Variants in RABGAP1L observed in about 807,000 individuals in gnomAD.
RABGAP1L encodes the protein RAB GTPase activating protein 1 like, also known as rab GTPase-activating protein 1-like.
RABGAP1L carries 63 observed loss-of-function variants against 137.7 expected under a neutral mutation model. The observed-to-expected ratio is 0.46, with a 90% CI of 0.37 to 0.56. The LOEUF (loss-of-function observed/expected upper bound fraction) is 0.56. Ranked by LOEUF, RABGAP1L falls within the 20% of genes least tolerant of loss-of-function variation. The probability of loss-of-function intolerance (pLI) is 0.00; values close to 1 mark genes in which losing one functional copy is unlikely to be tolerated. For missense variants in RABGAP1L, 1,095 were observed against 1,244.0 expected, an observed-to-expected ratio of 0.88 and a Z score of 1.80; for synonymous variants, 431 against 433.7, an observed-to-expected ratio of 0.99 and a Z score of 0.08.
At chr1:174,468,057 T>C (rs537384505) in intron 13 of RABGAP1L, among the ~76,000 whole-genome samples, 44 of 152,248 alleles carry the variant, frequency 2.9e-4, no homozygotes, top group African/African-American at 1.1e-3. Flanking sequence ...AGCAATTATA[T>C]ATGGGATTAT....
intron 19 of RABGAP1L, among the ~76,000 whole-genome samples, chr1:174,902,481 G>A (rs942455531): frequency 6.6e-6 from 1 of 152,162 alleles, no homozygotes; most frequent in Non-Finnish European, 1.5e-5. Flanking sequence ...TCCCTTCCTA[G>A]GGATATATAC....
intron 19 of RABGAP1L, chr1:174,875,850 G>C (rs192140453): frequency 4.5e-4 from 160 of 359,030 alleles, no homozygotes; most frequent in African/African-American, 3.3e-3. Context: ...AAGCAGCACT[G>C]TAGAACAAAA....
At chr1:174,671,503 G>A (rs1016953468) in intron 14 of RABGAP1L, among the ~76,000 whole-genome samples, 1 of 152,114 alleles carries the variant, frequency 6.6e-6, no homozygotes. Flanking sequence ...TAATTTGAGA[G>A]TTTTAAATCA....
chr1:174,444,334 G>A (rs1654498205), intron 13 of RABGAP1L, among the ~76,000 whole-genome samples: 1 of 151,652 alleles, frequency 6.6e-6, no homozygotes, highest in East Asian at 1.9e-4. Context: ...GTGTTGTTTG[G>A]TTTGCTAGTA....
At chr1:174,670,356 T>C (rs771818269) in intron 14 of RABGAP1L, among the ~76,000 whole-genome samples, 199 of 152,230 alleles carry the variant, frequency 1.3e-3, no homozygotes, top group Non-Finnish European at 2.4e-3. Flanking sequence ...GAGAATGGGG[T>C]ATTCATGCTC....
intron 17 of RABGAP1L, among the ~76,000 whole-genome samples, chr1:174,716,123 C>T (rs191547966): frequency 2.0e-5 from 3 of 152,202 alleles, no homozygotes; most frequent in South Asian, 2.1e-4. Context: ...TTTAAGTTTA[C>T]GTTATTTTTA....
intron 19 of RABGAP1L, among the ~76,000 whole-genome samples, chr1:174,867,943 C>A (rs535450989): frequency 5.7e-4 from 86 of 150,402 alleles, no homozygotes; most frequent in African/African-American, 2.0e-3. Flanking sequence ...CTGAGCCCAG[C>A]CAAAGTAGTG....
intron 18 of RABGAP1L, among the ~76,000 whole-genome samples, chr1:174,805,325 T>G (rs1573283894): frequency 6.6e-6 from 1 of 152,254 alleles, no homozygotes; most frequent in African/African-American, 2.4e-5. Context: ...TAAATGACTT[T>G]ACTTTTATCT....
intron 13 of RABGAP1L, among the ~76,000 whole-genome samples, chr1:174,465,209 A>G (rs557756680): frequency 1.3e-5 from 2 of 151,692 alleles, no homozygotes; most frequent in African/African-American, 2.4e-5. Flanking sequence ...TTTATTGAGC[A>G]TTTTTTTTGA....
intron 18 of RABGAP1L, among the ~76,000 whole-genome samples, chr1:174,766,051 C>A (rs1398969279): frequency 6.6e-6 from 1 of 152,082 alleles, no homozygotes; most frequent in African/African-American, 2.4e-5. Flanking sequence ...TTAGGGTGGG[C>A]CCTAGTCCAA....
intron 13 of RABGAP1L, among the ~76,000 whole-genome samples, chr1:174,467,632 A>T (rs1558259682): frequency 6.6e-6 from 1 of 152,200 alleles, no homozygotes; most frequent in Admixed American, 6.5e-5. Context: ...GTTATATAAT[A>T]TGTTTAATCC....
intron 10 of RABGAP1L, among the ~76,000 whole-genome samples, chr1:174,290,054 C>G (rs752622854): frequency 7.9e-5 from 12 of 152,184 alleles, no homozygotes; most frequent in Non-Finnish European, 1.6e-4. Context: ...GGTTCCCTGC[C>G]TGGGCATGGT....
At chr1:174,206,404 G>T (rs998699134) in intron 1 of RABGAP1L, among the ~76,000 whole-genome samples, 7 of 152,100 alleles carry the variant, frequency 4.6e-5, no homozygotes, top group Non-Finnish European at 1.0e-4. Context: ...TTTTTTCCTG[G>T]ATTGGCTCAG....
intron 13 of RABGAP1L, among the ~76,000 whole-genome samples, chr1:174,527,901 C>CTTTTTTTTTTTTTTTTTTTCTT (rs57707616): frequency 8.0e-6 from 1 of 124,850 alleles, no homozygotes; most frequent in Admixed American, 8.0e-5. Flanking sequence ...ATATACTTGT[C>CTTTTTTTTTTTTTTTTTTTCTT]TTTTTTTTTT....
At chr1:174,414,919 A>AG (rs1329674923) in intron 13 of RABGAP1L, among the ~76,000 whole-genome samples, 1 of 151,894 alleles carries the variant, frequency 6.6e-6, no homozygotes, top group Non-Finnish European at 1.5e-5. Context: ...AGAAAAAAAA[A>AG]TGGAAAAACC....
chr1:174,424,559 C>T (rs1221205095), intron 13 of RABGAP1L, among the ~76,000 whole-genome samples: 1 of 152,016 alleles, frequency 6.6e-6, no homozygotes, highest in African/African-American at 2.4e-5. Flanking sequence ...AGTTTGGCAG[C>T]AGTTGGCTTT....
At chr1:174,272,352 T>A in intron 7 of RABGAP1L, 62 bp from the exon 8 acceptor site, 1 of 1,539,122 alleles carries the variant, frequency 6.5e-7, no homozygotes. Context: ...GGCTTTATGC[T>A]CACTGGGCTT....
At chr1:174,411,497 CTTTTGT>C (rs1397494435) in intron 13 of RABGAP1L, among the ~76,000 whole-genome samples, 1 of 151,718 alleles carries the variant, frequency 6.6e-6, no homozygotes, top group Non-Finnish European at 1.5e-5. Context: ...GATCACATGG[CTTTTGT>C]TTTTGTTTTT....
chr1:174,866,331 G>A (rs1443600466), intron 19 of RABGAP1L, among the ~76,000 whole-genome samples: 3 of 151,932 alleles, frequency 2.0e-5, no homozygotes, highest in African/African-American at 7.3e-5. Flanking sequence ...GAATGTTCTG[G>A]GCATTGCCAC....
Sources: gnomAD v4.1 joint callset for allele counts (sites outside exome capture counted in the v4.1 genomes callset) on GRCh38, gnomAD v4.1.1 for gene constraint, MANE v1.5 for transcripts, NCBI Gene and HGNC (gene_info 2026-07-23, HGNC 2026-07-21) for gene names.